HGD: variants seen among roughly 807,000 people sequenced by gnomAD.
HGD encodes homogentisate oxidase.
A neutral mutation model predicts 60.8 loss-of-function variants in HGD; 61 were observed. The ratio of observed to expected loss-of-function variants is 1.00; its 90% CI spans 0.82 to 1.24. HGD has a LOEUF of 1.24. Ranked by LOEUF, HGD falls within the 50% of genes most tolerant of loss-of-function variation. The probability of loss-of-function intolerance (pLI) is 0.00; values close to 1 mark genes in which losing one functional copy is unlikely to be tolerated. For missense variants in HGD, 542 were observed against 547.1 expected (o/e 0.99, Z 0.09); for synonymous variants, 212 against 187.7 (o/e 1.13, Z -1.06).
rs561648582 is a variant in HGD, at chr3:120,638,372, C to T, written c.1006+83G>A. ...CCATGGTGGGTGTCCAGAAATAACC[C>T]AGGCATTATTCCCAATGTGTAGCGC... On this transcript the variant is annotated intron_variant, in intron 12 of 13. Transcript: ENST00000283871. 5 of 1,544,206 alleles carry T rather than the reference C, an allele frequency of 3.2e-6. No homozygotes were observed. In the African/African-American group the frequency reaches 5.4e-5, roughly 17 times the overall value.
Position 120,636,089 on chromosome 3 carries a change from G to A in HGD, c.1006+2366C>T, listed in dbSNP as rs531983522. On this transcript the variant is annotated intron_variant, in intron 12 of 13. Transcript: ENST00000283871. ...AGTTCAAGACCAGCCTGGGCAACATGGCAAGACCCCGTCTGTACTAACAAT... is the reference window on the plus strand; with the variant it reads ...AGTTCAAGACCAGCCTGGGCAACATAGCAAGACCCCGTCTGTACTAACAAT... Among the ~76,000 whole-genome samples the A allele has an allele frequency of 9.5e-5, 14 of 147,214 alleles. 1 individual carries two copies. Among genetic ancestry groups the A allele is most frequent in the African/African-American group, 3.6e-4 (14 of 39,254 alleles).
At chr3:120,630,489 AT>A (rs1303249692) in intron 13 of HGD, among the ~76,000 whole-genome samples, 2 of 152,024 alleles carry the variant, frequency 1.3e-5, no homozygotes, top group Non-Finnish European at 2.9e-5. Flanking sequence ...TAACCATCCG[AT>A]TTTCAATGAA....
chr3:120,670,191 T>C, intron 4 of HGD: 2 of 549,222 alleles, frequency 3.6e-6, no homozygotes, highest in South Asian at 2.1e-5. Context: ...GAACTGTGAG[T>C]CAATTAAAAA....
intron 1 of HGD, 43 bp downstream of exon 1, chr3:120,682,054 T>C: frequency 6.3e-7 from 1 of 1,596,162 alleles, no homozygotes; most frequent in Non-Finnish European, 8.6e-7. Context: ...TCCATAAATT[T>C]TGGCTGAAGA....
At chr3:120,636,650 G>T (rs1217497799) in intron 12 of HGD, among the ~76,000 whole-genome samples, 1 of 152,184 alleles carries the variant, frequency 6.6e-6, no homozygotes, top group Admixed American at 6.5e-5. Flanking sequence ...GACTTATGAT[G>T]CTATTCACAA....
chr3:120,677,324 G>C (rs1448015170), intron 1 of HGD, among the ~76,000 whole-genome samples: 1 of 152,188 alleles, frequency 6.6e-6, no homozygotes, highest in Non-Finnish European at 1.5e-5. Flanking sequence ...GCAAATGGGA[G>C]AAATATCGCT....
chr3:120,650,635 T>C, intron 6 of HGD, 139 bp downstream of exon 6: 1 of 731,390 alleles, frequency 1.4e-6, no homozygotes, highest in South Asian at 1.4e-5. Flanking sequence ...ATATGAATAT[T>C]GCCTTGAGGA....
At chr3:120,666,820 CTA>C (rs1241895082) in intron 4 of HGD, among the ~76,000 whole-genome samples, 1 of 152,112 alleles carries the variant, frequency 6.6e-6, no homozygotes, top group African/African-American at 2.4e-5. Context: ...CCTGATACAG[CTA>C]TTTTGATGCC....
At chr3:120,644,533 T>C in intron 9 of HGD, 90 bp from the exon 10 acceptor site, 2 of 1,598,130 alleles carry the variant, frequency 1.3e-6, no homozygotes, top group South Asian at 1.1e-5. Context: ...CTTTCTTTCA[T>C]GTCAAGAGCT....
At chr3:120,666,893 C>A (rs1397511353) in intron 4 of HGD, among the ~76,000 whole-genome samples, 1 of 152,132 alleles carries the variant, frequency 6.6e-6, no homozygotes, top group African/African-American at 2.4e-5. Flanking sequence ...AAATGTATGT[C>A]AACTATTTAT....
intron 4 of HGD, among the ~76,000 whole-genome samples, chr3:120,655,718 C>T (rs1941475222): frequency 6.6e-6 from 1 of 152,330 alleles, no homozygotes. Flanking sequence ...TGCTGTGGAG[C>T]AGTAACTCTC....
At chr3:120,649,468 A>G (rs1320015029) in intron 6 of HGD, among the ~76,000 whole-genome samples, 1 of 152,108 alleles carries the variant, frequency 6.6e-6, no homozygotes, top group Admixed American at 6.6e-5. Flanking sequence ...TAAAGACAAC[A>G]AGAATGACTC....
intron 10 of HGD, among the ~76,000 whole-genome samples, chr3:120,642,523 T>C (rs1219577551): frequency 6.6e-6 from 1 of 152,224 alleles, no homozygotes; most frequent in Non-Finnish European, 1.5e-5. Flanking sequence ...ACTAGCACTC[T>C]GAAAAAAATA....
chr3:120,670,334 T>C, intron 4 of HGD, 93 bp downstream of exon 4: 1 of 770,850 alleles, frequency 1.3e-6, no homozygotes, highest in Non-Finnish European at 2.4e-6. Context: ...TAAAAAACTA[T>C]CTATTTTTTC....
intron 13 of HGD, among the ~76,000 whole-genome samples, chr3:120,630,005 G>C (rs1396234686): frequency 2.0e-5 from 3 of 152,046 alleles, no homozygotes; most frequent in Non-Finnish European, 4.4e-5. Flanking sequence ...GCCAAATCAG[G>C]AATGCAATCC....
At chr3:120,667,326 C>CAAAAAAAAA (rs71133514) in intron 4 of HGD, among the ~76,000 whole-genome samples, 6 of 60,036 alleles carry the variant, frequency 1.0e-4, no homozygotes, top group African/African-American at 3.5e-4. Flanking sequence ...ACTCTTGTCT[C>CAAAAAAAAA]AAAAAAAAAA....
chr3:120,637,607 T>C (rs1940824500), intron 12 of HGD, among the ~76,000 whole-genome samples: 1 of 141,168 alleles, frequency 7.1e-6, no homozygotes, highest in Admixed American at 6.9e-5. Flanking sequence ...TCTGTCTCTC[T>C]GTCTCTCTCT....
intron 4 of HGD, among the ~76,000 whole-genome samples, chr3:120,669,060 C>T (rs558273337): frequency 2.0e-5 from 3 of 152,238 alleles, no homozygotes; most frequent in Non-Finnish European, 4.4e-5. Flanking sequence ...CCCACTATTA[C>T]TAGACCAAAA....
intron 10 of HGD, among the ~76,000 whole-genome samples, chr3:120,643,312 C>T (rs1202199226): frequency 4.6e-5 from 7 of 152,142 alleles, no homozygotes; most frequent in Non-Finnish European, 7.4e-5. Context: ...TGGGTAGAGA[C>T]GGGGTTTTGC....
Sources: allele counts gnomAD v4.1 joint callset (sites outside exome capture counted in the v4.1 genomes callset), GRCh38; gene constraint gnomAD v4.1.1; transcripts MANE v1.5; gene names NCBI Gene and HGNC (gene_info 2026-07-23, HGNC 2026-07-21).